The following PDE11A variants were observed in gnomAD, a reference collection of about 807,000 sequenced individuals.
The protein encoded by PDE11A is phosphodiesterase 11A.
In PDE11A, 100 loss-of-function variants were observed where a neutral mutation model predicts 100.5. The ratio of observed to expected loss-of-function variants is 1.00; its 90% CI spans 0.85 to 1.18. PDE11A has a LOEUF of 1.18. PDE11A is among the 50% of genes most tolerant of loss of function. PDE11A has a pLI of 0.00. For synonymous variants in PDE11A, 381 were observed against 420.8 expected (o/e 0.91, Z 1.16); for missense variants, 1,141 against 1,152.6 (o/e 0.99, Z 0.15).
rs2081117663 is a variant in PDE11A, at chr2:177,696,751, G to A, written c.2345+581C>T. Reference sequence around the variant, plus strand: ...TGACAGGCTTTGGTCTTTAAGATAGGAGAAAATTGTGCAAATGAGTGGTGG... The same window carrying A: ...TGACAGGCTTTGGTCTTTAAGATAGAAGAAAATTGTGCAAATGAGTGGTGG... On this transcript the variant is annotated intron_variant, in intron 15 of 19. Transcript: ENST00000286063. 3.9e-5 allele frequency among the ~76,000 whole-genome samples: 6 copies of A among 152,156 alleles called. 1 individual carries two copies. The highest frequency in any genetic ancestry group is 2.1e-4 in the South Asian group (1 of 4,814).
chr2:177,730,142 A>G (rs1470630933), intron 10 of PDE11A, among the ~76,000 whole-genome samples: 1 of 152,178 alleles, frequency 6.6e-6, no homozygotes. Context: ...TTTGTTACAC[A>G]TGTATACATG....
intron 2 of PDE11A, among the ~76,000 whole-genome samples, chr2:177,937,553 G>A (rs887676591): frequency 5.3e-5 from 8 of 152,060 alleles, no homozygotes; most frequent in African/African-American, 1.4e-4. Flanking sequence ...TCCTGACCTC[G>A]TGATCTGCCA....
intron 8 of PDE11A, 51 bp downstream of exon 8, chr2:177,817,807 A>T (rs1468936428): frequency 1.2e-6 from 1 of 833,642 alleles, no homozygotes; most frequent in Admixed American, 1.7e-5. Context: ...GGCAAGCTGC[A>T]ACCAGGGGAC....
intron 2 of PDE11A, among the ~76,000 whole-genome samples, chr2:177,982,791 T>G (rs1388924906): frequency 6.6e-6 from 1 of 150,744 alleles, no homozygotes; most frequent in Non-Finnish European, 1.5e-5. Context: ...ACTATAAAAA[T>G]AAGGCCAGGC....
chr2:178,042,477 CAA>C (rs11291265), intron 1 of PDE11A, among the ~76,000 whole-genome samples: 44,200 of 138,542 alleles, frequency 0.32, 6,509 homozygotes, highest in Non-Finnish European at 0.33. Context: ...GACTCTGTCT[CAA>C]AAAAAAAAAA....
intron 10 of PDE11A, among the ~76,000 whole-genome samples, chr2:177,741,422 T>C (rs1011083867): frequency 1.3e-5 from 2 of 152,174 alleles, no homozygotes; most frequent in African/African-American, 2.4e-5. Flanking sequence ...TCTAAGGTAC[T>C]AGGGATTAGG....
chr2:177,637,837 C>G (rs528726500), intron 19 of PDE11A, among the ~76,000 whole-genome samples: 35 of 150,622 alleles, frequency 2.3e-4, no homozygotes, highest in African/African-American at 7.8e-4. Context: ...TGTTGCGTCA[C>G]TGAGTTTTTC....
At chr2:177,718,321 C>T (rs10210259) in intron 12 of PDE11A, among the ~76,000 whole-genome samples, 14,788 of 152,176 alleles carry the variant, frequency 0.097, 2,363 homozygotes, top group African/African-American at 0.33. Context: ...AGCCTGGCTC[C>T]CCAGTCTGTG....
chr2:177,666,474 A>G (rs1207382628), intron 18 of PDE11A, among the ~76,000 whole-genome samples: 1 of 152,218 alleles, frequency 6.6e-6, no homozygotes, highest in Non-Finnish European at 1.5e-5. Flanking sequence ...GAATTGACAA[A>G]CTGTTTTTCA....
chr2:177,710,607 G>A (rs897291128), intron 13 of PDE11A, among the ~76,000 whole-genome samples: 1 of 152,188 alleles, frequency 6.6e-6, no homozygotes, highest in Non-Finnish European at 1.5e-5. Context: ...ACTGAACCAG[G>A]ACTGAGTTTC....
chr2:177,629,659 G>T, intron 19 of PDE11A, 97 bp from the exon 20 acceptor site: 1 of 1,253,174 alleles, frequency 8.0e-7, no homozygotes, highest in Non-Finnish European at 1.2e-6. Context: ...ATGGAAACTG[G>T]CTATAGGAAA....
intron 5 of PDE11A, among the ~76,000 whole-genome samples, chr2:177,843,258 TA>T (rs1247945437): frequency 6.6e-6 from 1 of 152,208 alleles, no homozygotes; most frequent in Admixed American, 6.5e-5. Flanking sequence ...AATTTTCACC[TA>T]AATCTGACCC....
At chr2:177,899,272 T>C (rs1396990706) in intron 3 of PDE11A, among the ~76,000 whole-genome samples, 1 of 152,052 alleles carries the variant, frequency 6.6e-6, no homozygotes, top group Non-Finnish European at 1.5e-5. Flanking sequence ...TAGCCAGGCA[T>C]GGTGGCATGT....
Position 177,626,288 on chromosome 2 carries a change from T to A in PDE11A, c.*3119A>T, listed in dbSNP as rs377580542. The A allele has an allele frequency of 6.6e-6, 1 of 152,628 alleles. No homozygotes were observed. The highest frequency in any genetic ancestry group is 1.5e-5 in the Non-Finnish European group (1 of 68,046). The allele number at this position is 152,628 out of a possible 1,614,324, so 9.5% of individuals were successfully genotyped here. ...TCAGACCCTGGGTCCAGTTTTGTCA[T>A]AAAGCACATGCTTTAAAATGTTGCT... On this transcript the variant is annotated 3_prime_UTR_variant, in exon 20 of 20. Transcript: ENST00000286063.
At chr2:177,889,090 A>G (rs1480145895) in intron 4 of PDE11A, among the ~76,000 whole-genome samples, 1 of 152,174 alleles carries the variant, frequency 6.6e-6, no homozygotes, top group Non-Finnish European at 1.5e-5. Context: ...TCTTAGAACT[A>G]CATTTGCTGT....
chr2:178,088,320 C>T (rs891849342), intron 2 of PDE11A, among the ~76,000 whole-genome samples: 2 of 152,174 alleles, frequency 1.3e-5, no homozygotes, highest in African/African-American at 4.8e-5. Flanking sequence ...AACATAAATG[C>T]TCAAAATTAT....
intron 2 of PDE11A, among the ~76,000 whole-genome samples, chr2:177,948,095 T>A (rs1353959499): frequency 6.6e-6 from 1 of 152,138 alleles, no homozygotes; most frequent in Non-Finnish European, 1.5e-5. Context: ...ATGTATACAC[T>A]ACGTTTTCAT....
rs2081621598 is a variant in PDE11A, at chr2:177,727,775, G to A, written c.1936-10C>T. ...GCCACCTACACAGTGTCTGAAATGG[G>A]AGGGAGAGGGTGCGTCAGGCAGTTG... On this transcript the variant is annotated splice_polypyrimidine_tract_variant and intron_variant, in intron 11 of 19. Coordinates refer to ENST00000286063, the MANE Select transcript of PDE11A (RefSeq NM_016953.4). The A allele has an allele frequency of 4.0e-6, 6 of 1,509,868 alleles. No homozygotes were observed. The East Asian group carries it at 1.1e-4, about 28-fold the overall frequency. The allele number at this position is 1,509,868 out of a possible 1,614,324, so 93.5% of individuals were successfully genotyped here. A position where few individuals can be genotyped will look rare whatever the true frequency, so the allele number is the denominator to read the frequency against.
intron 2 of PDE11A, among the ~76,000 whole-genome samples, chr2:177,994,414 A>T (rs2086044432): frequency 6.6e-6 from 1 of 152,220 alleles, no homozygotes; most frequent in South Asian, 2.1e-4. Flanking sequence ...AATGTCCATA[A>T]TGAGCATGAT....
Sources: allele counts gnomAD v4.1 joint callset (sites outside exome capture counted in the v4.1 genomes callset), GRCh38; gene constraint gnomAD v4.1.1; transcripts MANE v1.5; gene names NCBI Gene and HGNC (gene_info 2026-07-23, HGNC 2026-07-21).